The following SLC10A7 variants were observed in gnomAD, a reference collection of about 807,000 sequenced individuals.
SLC10A7 encodes the protein solute carrier family 10 member 7, also known as sodium/bile acid cotransporter 7.
A neutral mutation model predicts 43.2 loss-of-function variants in SLC10A7; 29 were observed. That is an observed-to-expected ratio of 0.67 (90% CI 0.50 to 0.92). SLC10A7 has a LOEUF of 0.92. SLC10A7 is among the 40% of genes least tolerant of loss of function. The pLI is 0.00. For synonymous variants in SLC10A7, 152 were observed against 144.8 expected, an observed-to-expected ratio of 1.05 and a Z score of -0.35; for missense variants, 295 against 403.2, an observed-to-expected ratio of 0.73 and a Z score of 2.30.
chr4:146,519,110 T>TAA lies in SLC10A7; in HGVS notation c.101-1991_101-1990insTT, dbSNP rs1315046329. Among the ~76,000 whole-genome samples, 64 of 16,684 alleles carry TAA rather than the reference T, an allele frequency of 3.8e-3. 3 individuals carry two copies. Among genetic ancestry groups the TAA allele is most frequent in the African/African-American group, 0.017 (59 of 3,520 alleles). 10.9% of individuals were successfully genotyped at this position (16,684 alleles called of 152,430 possible). On this transcript the variant is annotated intron_variant, in intron 1 of 11. Transcript: ENST00000335472. ...ATATATATATATATATATATATATA[T>TAA]ATAATATAATATATAATTAATATAT... is the stretch of plus-strand genomic sequence containing the variant.
chr4:146,476,654 T>C (rs777929868), intron 4 of SLC10A7, among the ~76,000 whole-genome samples: 2 of 152,174 alleles, frequency 1.3e-5, no homozygotes, highest in African/African-American at 2.4e-5. Flanking sequence ...ATGACTTGCA[T>C]TGCCTCAGAT....
In SLC10A7 at chr4:146,256,464, A is replaced by C; in HGVS notation, c.*27T>G. On this transcript the variant is annotated 3_prime_UTR_variant, in exon 12 of 12. Transcript: ENST00000335472. ...TATGTACAATCCTGTACATATATAC[A>C]TTGCTACAGAAAGTCCACCTCCTTT... The C allele has an allele frequency of 6.2e-7, 1 of 1,612,862 alleles. No individual in the cohort carries two copies. The highest frequency in any genetic ancestry group is 2.2e-5 in the East Asian group (1 of 44,878).
At chr4:146,325,603 C>T (rs1028657496) in intron 6 of SLC10A7, among the ~76,000 whole-genome samples, 1 of 152,144 alleles carries the variant, frequency 6.6e-6, no homozygotes, top group Non-Finnish European at 1.5e-5. Context: ...GGTCCTAGGG[C>T]TCTTTCTGTT....
chr4:146,507,009 CAT>C (rs1736975116), intron 3 of SLC10A7, among the ~76,000 whole-genome samples: 1 of 152,132 alleles, frequency 6.6e-6, no homozygotes, highest in Non-Finnish European at 1.5e-5. Context: ...GATGTTTTGA[CAT>C]GTGTATACAC....
chr4:146,493,091 T>C (rs1392054997), intron 4 of SLC10A7, among the ~76,000 whole-genome samples: 1 of 152,234 alleles, frequency 6.6e-6, no homozygotes, highest in African/African-American at 2.4e-5. Context: ...CATGTGTAAT[T>C]AGCATGTAGT....
chr4:146,314,032 G>C (rs1238328680), intron 6 of SLC10A7, among the ~76,000 whole-genome samples: 2 of 152,098 alleles, frequency 1.3e-5, no homozygotes, highest in Non-Finnish European at 2.9e-5. Context: ...GGCATGCTTA[G>C]GAAGCATAAC....
In SLC10A7 at chr4:146,468,473, A is replaced by ATTTTTTTTTTTTTTTTTTTTTT. The variant is rs368637891; in HGVS notation, c.397-25653_397-25652insAAAAAAAAAAAAAAAAAAAAAA. 3.5e-5 allele frequency among the ~76,000 whole-genome samples: 5 copies of ATTTTTTTTTTTTTTTTTTTTTT among 143,608 alleles called. No homozygotes were observed. The East Asian group carries it at 1.1e-3, about 30-fold the overall frequency. The allele number at this position is 143,608 out of a possible 152,430, so 94.2% of individuals were successfully genotyped here. The stretch of plus-strand genomic sequence containing the variant: ...TTTATTTATTCTAACTTATATTTTA[A>ATTTTTTTTTTTTTTTTTTTTTT]TTTTTTTTTTTTTTGAGATGGAGTC... On this transcript the variant is annotated intron_variant, in intron 4 of 11. Transcript: ENST00000335472.
At chr4:146,391,944 G>A (rs545735324) in intron 5 of SLC10A7, among the ~76,000 whole-genome samples, 12 of 152,234 alleles carry the variant, frequency 7.9e-5, no homozygotes, top group East Asian at 3.9e-4. Flanking sequence ...TTCATTATGC[G>A]TCTCAGGAAT....
At chr4:146,264,842 A>C (rs1436197684) in intron 10 of SLC10A7, among the ~76,000 whole-genome samples, 1 of 152,064 alleles carries the variant, frequency 6.6e-6, no homozygotes, top group African/African-American at 2.4e-5. Flanking sequence ...TTTTCCCCTC[A>C]GTTTTCACTG....
At chr4:146,479,345 C>A (rs187561406) in intron 4 of SLC10A7, among the ~76,000 whole-genome samples, 2 of 151,936 alleles carry the variant, frequency 1.3e-5, no homozygotes, top group Non-Finnish European at 2.9e-5. Context: ...ATTCTAATAC[C>A]CTACTTTATC....
chr4:146,507,475 C>T (rs1212277865), intron 3 of SLC10A7, among the ~76,000 whole-genome samples: 1 of 152,104 alleles, frequency 6.6e-6, no homozygotes, highest in East Asian at 1.9e-4. Flanking sequence ...GCAGGAGAAT[C>T]ACTTGAACCC....
chr4:146,287,330 A>C lies in SLC10A7; in HGVS notation c.774-4065T>G, dbSNP rs79574943. 1.2e-3 allele frequency among the ~76,000 whole-genome samples: 184 copies of C among 152,346 alleles called. 2 individuals carry two copies. In the East Asian group the frequency reaches 0.02, roughly 16 times the overall value. The stretch of plus-strand genomic sequence containing the variant: ...TAAAGAGAAAGTGAAGACACGGCAG[A>C]GAGAAATACCTGATGAACATAGGTC... On this transcript the variant is annotated intron_variant, in intron 9 of 11. Transcript: ENST00000335472.
intron 4 of SLC10A7, among the ~76,000 whole-genome samples, chr4:146,467,853 G>A (rs992285687): frequency 6.6e-6 from 1 of 152,246 alleles, no homozygotes; most frequent in South Asian, 2.1e-4. Context: ...ATGAGCCACC[G>A]CACCTGGCCT....
intron 2 of SLC10A7, chr4:146,514,963 T>C (rs1560986214): frequency 1.7e-6 from 1 of 583,512 alleles, no homozygotes; most frequent in Non-Finnish European, 3.1e-6. Context: ...GCTGCTTAGA[T>C]ACCACGATAA....
chr4:146,281,218 A>G lies in SLC10A7; in HGVS notation c.847+1974T>C, dbSNP rs80339230. 1.3e-4 allele frequency among the ~76,000 whole-genome samples: 20 copies of G among 152,278 alleles called. No homozygotes were observed. The East Asian group carries it at 3.9e-3, about 29-fold the overall frequency. On this transcript the variant is annotated intron_variant, in intron 10 of 11. Transcript: ENST00000335472. ...AAAAGACAAAAAACCCTGAATGGGT[A>G]GATATTCTGCTTATAGAAAAGCACA...
rs1371172963 is a variant in SLC10A7, at chr4:146,521,643, C to T, written c.75G>A (p.Leu25=). The T allele has an allele frequency of 7.4e-6, 12 of 1,614,064 alleles. No individual in the cohort carries two copies. Among genetic ancestry groups the T allele is most frequent in the Non-Finnish European group, 1.0e-5 (12 of 1,180,014 alleles). Reference sequence around the variant, plus strand: ...CCCCATTCACCCCTATGGACGGCTCCAGTTTAGCTCCAGCGATCGCCAGCA... The same window carrying T: ...CCCCATTCACCCCTATGGACGGCTCTAGTTTAGCTCCAGCGATCGCCAGCA... ...GIVLAIAGAK[L]EPSIGVNGGP... is the part of the protein sequence containing the mutation. Residue 25 remains leucine, a synonymous_variant, in exon 1 of 12, where the codon CTG becomes CTA. Coordinates refer to ENST00000335472, the MANE Select transcript of SLC10A7 (RefSeq NM_001029998.6).
intron 4 of SLC10A7, among the ~76,000 whole-genome samples, chr4:146,449,535 AGAGGGCATT>A (rs1474609404): frequency 6.6e-6 from 1 of 152,000 alleles, no homozygotes; most frequent in Non-Finnish European, 1.5e-5. Context: ...CTGCTATGAC[AGAGGGCATT>A]GAGGGCCACA....
At chr4:146,397,698 GA>G (rs1276822757) in intron 5 of SLC10A7, among the ~76,000 whole-genome samples, 1 of 152,154 alleles carries the variant, frequency 6.6e-6, no homozygotes, top group Non-Finnish European at 1.5e-5. Context: ...AAGCAGTGTT[GA>G]AACATTAAGT....
intron 7 of SLC10A7, among the ~76,000 whole-genome samples, chr4:146,300,024 G>A (rs919240926): frequency 6.6e-6 from 1 of 152,128 alleles, no homozygotes; most frequent in Non-Finnish European, 1.5e-5. Flanking sequence ...GGGGCTTTTT[G>A]AGCAAGTACA....
Sources: allele counts gnomAD v4.1 joint callset (sites outside exome capture counted in the v4.1 genomes callset), GRCh38; gene constraint gnomAD v4.1.1; transcripts MANE v1.5; gene names NCBI Gene and HGNC (gene_info 2026-07-23, HGNC 2026-07-21).